Variants in CYYR1 observed in about 807,000 individuals in gnomAD.
CYYR1 encodes cysteine and tyrosine-rich protein 1.
CYYR1 carries 14 observed loss-of-function variants against 15.2 expected under a neutral mutation model. That is an observed-to-expected ratio of 0.92 (90% confidence interval 0.61 to 1.44). The LOEUF (loss-of-function observed/expected upper bound fraction) is 1.44, where lower values mean the gene tolerates loss of function less well. Ranked by LOEUF, CYYR1 falls within the 40% of genes most tolerant of loss-of-function variation. CYYR1 has a pLI of 0.00. For synonymous variants in CYYR1, 80 were observed against 77.4 expected, an observed-to-expected ratio of 1.03 and a Z score of -0.18; for missense variants, 228 against 209.5, an observed-to-expected ratio of 1.09 and a Z score of -0.54.
At chr21:26,559,591 CT>C (rs1980057948) in intron 2 of CYYR1, among the ~76,000 whole-genome samples, 1 of 151,760 alleles carries the variant, frequency 6.6e-6, no homozygotes, top group Non-Finnish European at 1.5e-5. Flanking sequence ...TAATTGTTTG[CT>C]TTTTGTTTTT....
chr21:26,497,399 A>G (rs2065421323), intron 2 of CYYR1, among the ~76,000 whole-genome samples: 2 of 152,336 alleles, frequency 1.3e-5, no homozygotes, highest in South Asian at 4.1e-4. Flanking sequence ...TTTGGATTTC[A>G]TTCTATAAGA....
chr21:26,498,680 G>A (rs887621321), intron 2 of CYYR1, among the ~76,000 whole-genome samples: 5 of 152,192 alleles, frequency 3.3e-5, no homozygotes, highest in African/African-American at 1.2e-4. Context: ...ATCCAAGACT[G>A]GGTAATTTAT....
chr21:26,530,693 ATGAG>A (rs2065920493), intron 2 of CYYR1, among the ~76,000 whole-genome samples: 1 of 151,674 alleles, frequency 6.6e-6, no homozygotes, highest in African/African-American at 2.4e-5. Flanking sequence ...ACTCCCACTT[ATGAG>A]TGAGAACAGG....
At chr21:26,481,425 T>C (rs765620478) in intron 2 of CYYR1, among the ~76,000 whole-genome samples, 1 of 152,086 alleles carries the variant, frequency 6.6e-6, no homozygotes, top group Admixed American at 6.6e-5. Flanking sequence ...GAGATCCACA[T>C]GGATTGAAGT....
chr21:26,496,944 G>A (rs1187565884), intron 2 of CYYR1, among the ~76,000 whole-genome samples: 1 of 151,808 alleles, frequency 6.6e-6, no homozygotes, highest in African/African-American at 2.4e-5. Flanking sequence ...CTTTGTTTTT[G>A]GACCATTAAC....
At chr21:26,533,887 G>A (rs373351833) in intron 2 of CYYR1, among the ~76,000 whole-genome samples, 28 of 152,184 alleles carry the variant, frequency 1.8e-4, no homozygotes, top group African/African-American at 5.8e-4. Flanking sequence ...ATTCTTTCAT[G>A]GCAGAAGACC....
intron 2 of CYYR1, among the ~76,000 whole-genome samples, chr21:26,540,565 G>A (rs974703921): frequency 3.3e-5 from 5 of 152,020 alleles, no homozygotes; most frequent in African/African-American, 9.7e-5. Flanking sequence ...ATGCACGCAT[G>A]GGGCATACTC....
chr21:26,503,484 A>C (rs992722144), intron 2 of CYYR1: 1 of 152,206 alleles, frequency 6.6e-6, no homozygotes, highest in Non-Finnish European at 1.5e-5. Context: ...TTTTCCTTTG[A>C]AATCCTCTCT....
At chr21:26,529,109 G>A (rs1430060848) in intron 2 of CYYR1, among the ~76,000 whole-genome samples, 1 of 152,184 alleles carries the variant, frequency 6.6e-6, no homozygotes, top group Non-Finnish European at 1.5e-5. Context: ...TTCAGTAGAT[G>A]TGTATTACCA....
chr21:26,530,536 A>T (rs2065918594), intron 2 of CYYR1, among the ~76,000 whole-genome samples: 1 of 152,062 alleles, frequency 6.6e-6, no homozygotes, highest in Non-Finnish European at 1.5e-5. Context: ...ATATGTATAC[A>T]CGTGCCATGG....
chr21:26,536,754 C>T (rs924444967), intron 2 of CYYR1, among the ~76,000 whole-genome samples: 1 of 151,354 alleles, frequency 6.6e-6, no homozygotes, highest in Non-Finnish European at 1.5e-5. Context: ...CACTGCATCA[C>T]AGTCCTTTAA....
At chr21:26,488,994 A>T (rs1241054843) in intron 2 of CYYR1, among the ~76,000 whole-genome samples, 1 of 152,198 alleles carries the variant, frequency 6.6e-6, no homozygotes, top group Non-Finnish European at 1.5e-5. Flanking sequence ...TACCTAATAC[A>T]ATTCCTTTGC....
At chr21:26,481,934 C>T (rs1354044093) in intron 2 of CYYR1, among the ~76,000 whole-genome samples, 2 of 152,004 alleles carry the variant, frequency 1.3e-5, no homozygotes, top group African/African-American at 4.8e-5. Flanking sequence ...TTATTATCTA[C>T]AGTGATGATC....
At chr21:26,567,250 T>A (rs1349416626) in intron 1 of CYYR1, among the ~76,000 whole-genome samples, 1 of 152,196 alleles carries the variant, frequency 6.6e-6, no homozygotes, top group Non-Finnish European at 1.5e-5. Flanking sequence ...TTCATCTGGA[T>A]GAAAAGATGA....
At chr21:26,468,970 T>C (rs9977164) in intron 3 of CYYR1, among the ~76,000 whole-genome samples, 42,594 of 151,744 alleles carry the variant, frequency 0.28, 6,196 homozygotes, top group Non-Finnish European at 0.31. Context: ...AAAGGGAGAA[T>C]GGGAAAAGAC....
chr21:26,477,913 A>G lies in CYYR1; in HGVS notation c.334+2359T>C, dbSNP rs2065124493. 5.4e-6 allele frequency: 7 copies of G among 1,303,764 alleles called. No homozygotes were observed. In the South Asian group the frequency reaches 2.0e-4, roughly 37 times the overall value. The allele number at this position is 1,303,764 out of a possible 1,614,324, so 80.8% of individuals were successfully genotyped here. On this transcript the variant is annotated intron_variant, in intron 3 of 3. Transcript: ENST00000652641. ...CCTACCAATATTCTTGCAAGTTGGGAATATTTGAAATTGCATGTTACTTTT... is the reference window on the plus strand; with the variant it reads ...CCTACCAATATTCTTGCAAGTTGGGGATATTTGAAATTGCATGTTACTTTT...
At chr21:26,534,021 C>T (rs2065965505) in intron 2 of CYYR1, among the ~76,000 whole-genome samples, 1 of 152,130 alleles carries the variant, frequency 6.6e-6, no homozygotes, top group South Asian at 2.1e-4. Context: ...TAGCATGCCA[C>T]TCACCATTAT....
Position 26,468,542 on chromosome 21 carries a change from G to A in CYYR1, c.427C>T (p.Arg143Cys), listed in dbSNP as rs774899929. ...CCAGGATAAGGAGGGGGTGGAGAAC[G>A]CTGTGCTGGACCCTGTGGGGTGGGG... Reference protein sequence around the residue: ...YSPTPQGPAQRSPPPPYPGNA... With the variant: ...YSPTPQGPAQCSPPPPYPGNA... The change falls in exon 4 of 4, where the codon CGT (arginine) becomes TGT (cysteine). Residue 143 changes from arginine (R) to cysteine (C), a missense_variant. Physicochemically the swap from Arg to Cys is radical, Grantham distance 180 (BLOSUM62 -3). Transcript: ENST00000652641. 2.7e-5 allele frequency: 44 copies of A among 1,611,516 alleles called. No homozygotes were observed. Among genetic ancestry groups the A allele is most frequent in the African/African-American group, 4.0e-5 (3 of 74,830 alleles).
chr21:26,512,191 C>A (rs1277461023), intron 2 of CYYR1, among the ~76,000 whole-genome samples: 2 of 151,816 alleles, frequency 1.3e-5, no homozygotes, highest in Non-Finnish European at 2.9e-5. Context: ...CACATTCAGT[C>A]CCTCTTTTTT....
Sources: gnomAD v4.1 joint callset for allele counts (sites outside exome capture counted in the v4.1 genomes callset) on GRCh38, gnomAD v4.1.1 for gene constraint, MANE v1.5 for transcripts, NCBI Gene and HGNC (gene_info 2026-07-23, HGNC 2026-07-21) for gene names.